The following RGL1 variants were observed in gnomAD, a reference collection of about 807,000 sequenced individuals.
RGL1 encodes the protein ral guanine nucleotide dissociation stimulator-like 1.
Under a neutral mutation model 95.2 loss-of-function variants are expected in RGL1, and 24 were observed. The ratio of observed to expected loss-of-function variants is 0.25; its 90% CI spans 0.18 to 0.35. RGL1 has a LOEUF of 0.35. Among genes scored for constraint, RGL1 ranks in the 10% least tolerant of loss-of-function variants. The pLI, the probability that RGL1 is intolerant of heterozygous loss-of-function variation, is 1.00. For missense variants in RGL1, 715 were observed against 936.3 expected (o/e 0.76, Z 3.08); for synonymous variants, 329 against 344.9 (o/e 0.95, Z 0.51).
At chr1:183,732,050 T>G (rs1348572502) in intron 1 of RGL1, among the ~76,000 whole-genome samples, 1 of 152,094 alleles carries the variant, frequency 6.6e-6, no homozygotes, top group Non-Finnish European at 1.5e-5. Flanking sequence ...GACAGCATGG[T>G]GCTAGGTGAG....
At chr1:183,817,783 C>T (rs1323842800) in intron 2 of RGL1, among the ~76,000 whole-genome samples, 2 of 152,192 alleles carry the variant, frequency 1.3e-5, no homozygotes, top group Non-Finnish European at 2.9e-5. Context: ...GGAGAAGGGA[C>T]TCTTTGTACA....
intron 3 of RGL1, among the ~76,000 whole-genome samples, chr1:183,856,745 G>A (rs377025095): frequency 6.6e-6 from 1 of 151,660 alleles, no homozygotes; most frequent in Non-Finnish European, 1.5e-5. Context: ...TGACACTATT[G>A]GTTGGTAGAA....
intron 4 of RGL1, among the ~76,000 whole-genome samples, chr1:183,871,641 A>G (rs1666190396): frequency 6.6e-6 from 1 of 152,232 alleles, no homozygotes; most frequent in South Asian, 2.1e-4. Context: ...GTATTTCCAA[A>G]TATGGATTTA....
intron 2 of RGL1, among the ~76,000 whole-genome samples, chr1:183,760,588 A>C (rs894630933): frequency 4.0e-4 from 60 of 149,958 alleles, no homozygotes; most frequent in African/African-American, 1.5e-3. Flanking sequence ...AAAAAAAAAA[A>C]AAAAACAAAC....
intron 2 of RGL1, among the ~76,000 whole-genome samples, chr1:183,840,143 C>G (rs1663944185): frequency 6.6e-6 from 1 of 152,192 alleles, no homozygotes; most frequent in African/African-American, 2.4e-5. Flanking sequence ...TTCTTTCCCC[C>G]TGGGTGTGGG....
intron 1 of RGL1, among the ~76,000 whole-genome samples, chr1:183,680,188 T>G (rs1027749143): frequency 6.0e-5 from 9 of 150,868 alleles, no homozygotes; most frequent in Non-Finnish European, 1.3e-4. Context: ...CCAATGATAG[T>G]TTTTTTTGCT....
chr1:183,823,282 CA>C (rs1235341275), intron 2 of RGL1, among the ~76,000 whole-genome samples: 4 of 152,064 alleles, frequency 2.6e-5, no homozygotes, highest in African/African-American at 9.6e-5. Context: ...GTCTTTTCTT[CA>C]AAAATATGAG....
intron 2 of RGL1, among the ~76,000 whole-genome samples, chr1:183,758,208 T>TC (rs1658459980): frequency 6.6e-6 from 1 of 151,846 alleles, no homozygotes; most frequent in South Asian, 2.1e-4. Context: ...ATTTTTTTTT[T>TC]TTTTTTGAGA....
intron 1 of RGL1, among the ~76,000 whole-genome samples, chr1:183,688,131 T>C (rs1015231241): frequency 9.2e-5 from 14 of 152,152 alleles, no homozygotes; most frequent in African/African-American, 2.9e-4. Flanking sequence ...TAAAGCACAA[T>C]ACAAGTGTAA....
At chr1:183,744,119 G>A (rs1229454208) in intron 2 of RGL1, among the ~76,000 whole-genome samples, 1 of 152,162 alleles carries the variant, frequency 6.6e-6, no homozygotes, top group Admixed American at 6.5e-5. Flanking sequence ...ATTCTGTGAA[G>A]AGAAAGAGGA....
chr1:183,662,867 T>C (rs1267567138), intron 1 of RGL1, among the ~76,000 whole-genome samples: 1 of 152,048 alleles, frequency 6.6e-6, no homozygotes, highest in East Asian at 1.9e-4. Flanking sequence ...AACAGAGACA[T>C]AGATCAATGG....
chr1:183,797,023 T>C (rs577237962), intron 2 of RGL1, among the ~76,000 whole-genome samples: 2 of 152,320 alleles, frequency 1.3e-5, no homozygotes, highest in Non-Finnish European at 2.9e-5. Context: ...GCATCATCAC[T>C]GATTAAGAAT....
At chr1:183,681,312 T>C (rs919782170) in intron 1 of RGL1, among the ~76,000 whole-genome samples, 1 of 152,230 alleles carries the variant, frequency 6.6e-6, no homozygotes, top group African/African-American at 2.4e-5. Flanking sequence ...GCTGTGGGTT[T>C]GTCATAAATG....
intron 1 of RGL1, among the ~76,000 whole-genome samples, chr1:183,738,762 G>A (rs1024700824): frequency 1.3e-5 from 2 of 152,048 alleles, no homozygotes; most frequent in South Asian, 2.1e-4. Context: ...TTAGCTGGGC[G>A]TGGTGGCAGG....
intron 1 of RGL1, among the ~76,000 whole-genome samples, chr1:183,684,760 C>G (rs1653461441): frequency 6.6e-6 from 1 of 152,226 alleles, no homozygotes; most frequent in Admixed American, 6.5e-5. Flanking sequence ...TTCCGAAGAC[C>G]ATGGGAAAAG....
chr1:183,655,888 T>C (rs1210971080), intron 1 of RGL1, among the ~76,000 whole-genome samples: 1 of 152,194 alleles, frequency 6.6e-6, no homozygotes, highest in Non-Finnish European at 1.5e-5. Context: ...GTTTAGATGC[T>C]CTAAAGAAGG....
At chr1:183,900,263 G>A (rs759509568) in intron 11 of RGL1, 27 bp downstream of exon 11, 26 of 1,579,148 alleles carry the variant, frequency 1.6e-5, no homozygotes, top group Middle Eastern at 1.7e-4. Context: ...TGGTGTGATC[G>A]GGCCTGCAGC....
At chr1:183,907,255 C>T (rs886634019) in intron 14 of RGL1, among the ~76,000 whole-genome samples, 154 bp downstream of exon 14, 1 of 152,172 alleles carries the variant, frequency 6.6e-6, no homozygotes, top group Non-Finnish European at 1.5e-5. Context: ...GAACTCAAAG[C>T]ATTTGCTGAG....
chr1:183,864,397 A>C (rs966060543), intron 3 of RGL1, among the ~76,000 whole-genome samples: 1 of 152,212 alleles, frequency 6.6e-6, no homozygotes, highest in Non-Finnish European at 1.5e-5. Flanking sequence ...AGTCAGATAC[A>C]TAGAAGATAC....
Sources: gnomAD v4.1 joint callset for allele counts (sites outside exome capture counted in the v4.1 genomes callset) on GRCh38, gnomAD v4.1.1 for gene constraint, MANE v1.5 for transcripts, NCBI Gene and HGNC (gene_info 2026-07-23, HGNC 2026-07-21) for gene names.